BTC: variants seen among roughly 807,000 people sequenced by gnomAD.
BTC encodes the protein betacellulin, also known as probetacellulin.
In BTC, 13 loss-of-function variants were observed where a neutral mutation model predicts 18.1. That is an observed-to-expected ratio of 0.72 (90% CI 0.47 to 1.14). The LOEUF is 1.14. Among genes scored for constraint, BTC ranks in the 50% most tolerant of loss-of-function variants. The probability of loss-of-function intolerance (pLI) is 0.00; values close to 1 mark genes in which losing one functional copy is unlikely to be tolerated. For synonymous variants in BTC, 83 were observed against 79.4 expected (o/e 1.05, Z -0.24); for missense variants, 247 against 224.2 (o/e 1.10, Z -0.65).
intron 1 of BTC, among the ~76,000 whole-genome samples, chr4:74,784,043 G>A (rs1725410125): frequency 6.6e-6 from 1 of 151,830 alleles, no homozygotes; most frequent in Non-Finnish European, 1.5e-5. Context: ...GACGAGCCTG[G>A]CCAACATGAT....
chr4:74,769,981 T>C lies in BTC; in HGVS notation c.163+77A>G, dbSNP rs35499524. ...TGGTACCTTAATATATGTTCAAATGTTTACCTAGTATTATGAGTACTATTA... is the reference window on the plus strand; with the variant it reads ...TGGTACCTTAATATATGTTCAAATGCTTACCTAGTATTATGAGTACTATTA... On this transcript the variant is annotated intron_variant, in intron 2 of 5. Coordinates refer to ENST00000395743, the MANE Select transcript of BTC (RefSeq NM_001729.4). The C allele has an allele frequency of 3.8e-3, 4,610 of 1,223,564 alleles. 169 individuals carry two copies. In the East Asian group the frequency reaches 0.093, roughly 25 times the overall value. 75.8% of individuals were successfully genotyped at this position (1,223,564 alleles called of 1,614,324 possible).
At chr4:74,750,269 AAT>A (rs532440785) in intron 4 of BTC, among the ~76,000 whole-genome samples, 262 of 152,316 alleles carry the variant, frequency 1.7e-3, no homozygotes, top group Admixed American at 1.6e-3. Flanking sequence ...AGCAAAAACA[AAT>A]TTTTGTTTTT....
At chr4:74,776,107 T>G (rs1490737342) in intron 1 of BTC, among the ~76,000 whole-genome samples, 1 of 152,226 alleles carries the variant, frequency 6.6e-6, no homozygotes, top group African/African-American at 2.4e-5. Context: ...CTCTATTTTT[T>G]ATACTGCTGG....
chr4:74,784,230 T>TC (rs1424318202), intron 1 of BTC, among the ~76,000 whole-genome samples: 2 of 130,326 alleles, frequency 1.5e-5, no homozygotes, highest in African/African-American at 6.7e-5. Flanking sequence ...AGATTCTCTC[T>TC]CGAAAAAAAA....
At chr4:74,770,321 C>T (rs577009172) in intron 1 of BTC, among the ~76,000 whole-genome samples, 165 bp from the exon 2 acceptor site, 256 of 152,332 alleles carry the variant, frequency 1.7e-3, no homozygotes, top group African/African-American at 6.0e-3. Context: ...CAGCATGCTG[C>T]ACATTTTCAG....
chr4:74,792,251 A>G (rs530641612), intron 1 of BTC, among the ~76,000 whole-genome samples: 3 of 152,320 alleles, frequency 2.0e-5, no homozygotes, highest in African/African-American at 7.2e-5. Context: ...GCGGTTGTAC[A>G]TTTAGGTTAC....
At chr4:74,783,012 T>C (rs142801024) in intron 1 of BTC, among the ~76,000 whole-genome samples, 418 of 152,300 alleles carry the variant, frequency 2.7e-3, no homozygotes, top group African/African-American at 9.4e-3. Flanking sequence ...CTTTGTCAGA[T>C]TGATAGATTG....
At position 74,794,355 on chromosome 4, in the gene BTC, C is replaced by A; in HGVS notation, c.-30G>T. On this transcript the variant is annotated 5_prime_UTR_variant, in exon 1 of 6. The change creates a new upstream start codon in the 5' untranslated region. Transcript: ENST00000395743. ...CCCGCTCTGCCGGGCCGGGCAGCCC[C>A]TAGACAAGTCTCCCTCCTTCTTCGC... 1 of 1,518,606 alleles carries A rather than the reference C, an allele frequency of 6.6e-7. No homozygotes were observed. The highest frequency in any genetic ancestry group is 1.4e-5 in the African/African-American group (1 of 71,916). 94.1% of individuals were successfully genotyped at this position (1,518,606 alleles called of 1,614,324 possible).
At chr4:74,771,795 G>C (rs1022721640) in intron 1 of BTC, among the ~76,000 whole-genome samples, 2 of 152,126 alleles carry the variant, frequency 1.3e-5, no homozygotes, top group Admixed American at 6.5e-5. Context: ...CAATGTATAA[G>C]TCTTAAATTC....
chr4:74,794,302 G>C lies in BTC; in HGVS notation c.24C>G (p.Ser8Arg), dbSNP rs1725713335. Residue 8 changes from serine to arginine, a missense_variant, in exon 1 of 6, where the codon AGC (serine) becomes AGG (arginine). Coordinates refer to ENST00000395743, the MANE Select transcript of BTC (RefSeq NM_001729.4). ...GGAGCAGTGGCAGGGAGCTGGCGCC[G>C]CTGCACCGGGCGGCCCGGTCCATCA... MDRAARC[S>R]GASSLPLLLA... 6.5e-7 allele frequency: 1 copy of C among 1,548,364 alleles called. No homozygotes were observed. The highest frequency in any genetic ancestry group is 1.4e-5 in the African/African-American group (1 of 73,134).
chr4:74,760,606 A>G (rs1553957195), intron 2 of BTC, among the ~76,000 whole-genome samples: 2 of 152,244 alleles, frequency 1.3e-5, no homozygotes, highest in Non-Finnish European at 2.9e-5. Flanking sequence ...CTTGCATCCA[A>G]TGACATTTCC....
chr4:74,793,251 C>G (rs1725681568), intron 1 of BTC, among the ~76,000 whole-genome samples: 1 of 152,180 alleles, frequency 6.6e-6, no homozygotes, highest in African/African-American at 2.4e-5. Flanking sequence ...TGATCCACCT[C>G]CAAGCAAGTT....
chr4:74,751,276 C>T (rs1724453882), intron 3 of BTC, among the ~76,000 whole-genome samples: 1 of 152,130 alleles, frequency 6.6e-6, no homozygotes, highest in African/African-American at 2.4e-5. Context: ...CGTCTTTCCT[C>T]CACTGTAAAT....
At chr4:74,781,794 T>TCAC (rs983557112) in intron 1 of BTC, among the ~76,000 whole-genome samples, 4 of 152,026 alleles carry the variant, frequency 2.6e-5, no homozygotes, top group African/African-American at 9.7e-5. Context: ...TGTGCAACCA[T>TCAC]CACCACCATG....
chr4:74,763,497 C>T (rs1452288012), intron 2 of BTC, among the ~76,000 whole-genome samples: 5 of 151,694 alleles, frequency 3.3e-5, no homozygotes, highest in Admixed American at 6.6e-5. Flanking sequence ...GCATAGTTTT[C>T]GGCTCTTACA....
At chr4:74,751,367 C>T (rs1294068712) in intron 3 of BTC, among the ~76,000 whole-genome samples, 7 of 152,082 alleles carry the variant, frequency 4.6e-5, no homozygotes, top group Admixed American at 1.3e-4. Flanking sequence ...TGTTCGCCGC[C>T]TCCTTCATTA....
chr4:74,756,167 G>A (rs1357091036), intron 2 of BTC, among the ~76,000 whole-genome samples, 191 bp from the exon 3 acceptor site: 1 of 152,092 alleles, frequency 6.6e-6, no homozygotes, highest in African/African-American at 2.4e-5. Flanking sequence ...GGACAATGGG[G>A]ATTATGGTCA....
At chr4:74,769,109 G>A (rs555136974) in intron 2 of BTC, among the ~76,000 whole-genome samples, 9 of 152,080 alleles carry the variant, frequency 5.9e-5, no homozygotes, top group Admixed American at 5.9e-4. Context: ...AACTTCCCGA[G>A]GGTGCTAGGA....
chr4:74,780,726 C>G (rs544340752), intron 1 of BTC, among the ~76,000 whole-genome samples: 13 of 151,906 alleles, frequency 8.6e-5, no homozygotes, highest in African/African-American at 3.1e-4. Flanking sequence ...AAGCCTGGGG[C>G]ATAGGATTGG....
Sources: gnomAD v4.1 joint callset for allele counts (sites outside exome capture counted in the v4.1 genomes callset) on GRCh38, gnomAD v4.1.1 for gene constraint, MANE v1.5 for transcripts, NCBI Gene and HGNC (gene_info 2026-07-23, HGNC 2026-07-21) for gene names.